Variants in PGBD5 observed in about 807,000 individuals in gnomAD.
The protein encoded by PGBD5 is piggyBac transposable element-derived protein 5.
A neutral mutation model predicts 47.9 loss-of-function variants in PGBD5; 14 were observed. The observed-to-expected ratio is 0.29, with a 90% confidence interval of 0.19 to 0.46. The LOEUF is 0.46. Ranked by LOEUF, PGBD5 falls within the 20% of genes least tolerant of loss-of-function variation. The pLI, the probability that PGBD5 is intolerant of heterozygous loss-of-function variation, is 1.00. For missense variants in PGBD5, 635 were observed against 716.0 expected (o/e 0.89, Z 1.29); for synonymous variants, 316 against 306.3 (o/e 1.03, Z -0.33).
At chr1:230,374,856 A>C (rs889722910) in intron 1 of PGBD5, among the ~76,000 whole-genome samples, 2 of 152,182 alleles carry the variant, frequency 1.3e-5, no homozygotes, top group Non-Finnish European at 2.9e-5. Context: ...TATACTCCTT[A>C]AACAACATTT....
intron 1 of PGBD5, among the ~76,000 whole-genome samples, chr1:230,415,159 G>C (rs1657487740): frequency 1.3e-5 from 2 of 152,028 alleles, no homozygotes; most frequent in Non-Finnish European, 2.9e-5. Flanking sequence ...TCTCCGCTGA[G>C]ACTGCAGTCT....
At chr1:230,368,837 C>T (rs896557069) in intron 1 of PGBD5, among the ~76,000 whole-genome samples, 20 of 152,316 alleles carry the variant, frequency 1.3e-4, no homozygotes, top group African/African-American at 2.6e-4. Context: ...GTAGGGTGTG[C>T]GCTGGGCCCA....
chr1:230,369,240 G>A (rs762701617), intron 1 of PGBD5, among the ~76,000 whole-genome samples: 2 of 152,210 alleles, frequency 1.3e-5, no homozygotes, highest in Non-Finnish European at 2.9e-5. Context: ...CAGGAATCCC[G>A]CTTAAGAAGC....
chr1:230,423,348 A>T (rs1657701967), intron 1 of PGBD5, among the ~76,000 whole-genome samples: 1 of 152,198 alleles, frequency 6.6e-6, no homozygotes, highest in African/African-American at 2.4e-5. Flanking sequence ...ACAGGGAACA[A>T]AGATGGAAGA....
chr1:230,376,474 T>C (rs1399290434), intron 1 of PGBD5, among the ~76,000 whole-genome samples: 2 of 152,094 alleles, frequency 1.3e-5, no homozygotes, highest in Non-Finnish European at 2.9e-5. Context: ...ACCAACAGCC[T>C]GGGTGTCAAT....
rs1233447392 is a variant in PGBD5 at position 230,318,732 on chromosome 1, C to T, written c.*4693G>A. Reference sequence around the variant, plus strand: ...AGACCCCACAGCTGGCTCCACTCCCCCACCCCATCCCACTCTCCCCATACT... The same window carrying T: ...AGACCCCACAGCTGGCTCCACTCCCTCACCCCATCCCACTCTCCCCATACT... On this transcript the variant is annotated 3_prime_UTR_variant, in exon 7 of 7. Transcript: ENST00000391860. 6.6e-6 allele frequency: 1 copy of T among 152,342 alleles called. No homozygotes were observed. Among genetic ancestry groups the T allele is most frequent in the African/African-American group, 2.4e-5 (1 of 41,442 alleles). The allele number at this position is 152,342 out of a possible 1,614,324, so 9.4% of individuals were successfully genotyped here.
intron 1 of PGBD5, among the ~76,000 whole-genome samples, chr1:230,365,817 T>C (rs1334940186): frequency 6.6e-6 from 1 of 152,212 alleles, no homozygotes; most frequent in Non-Finnish European, 1.5e-5. Context: ...TGACATTCTA[T>C]GTCATGTGGA....
At chr1:230,362,386 C>T (rs763337212) in intron 1 of PGBD5, 30 of 1,362,532 alleles carry the variant, frequency 2.2e-5, no homozygotes, top group Non-Finnish European at 2.8e-5. Flanking sequence ...GCCTGGATGA[C>T]AGACAGTTGT....
At position 230,425,817 on chromosome 1, in the gene PGBD5, G is replaced by C. The variant is rs1434481035; in HGVS notation, c.112C>G (p.Pro38Ala). The change falls in exon 1 of 7, where the codon CCG becomes GCG. Residue 38 changes from proline to alanine, a missense_variant. Transcript: ENST00000391860. This position sits in a 1 kb window ranked among gnomAD's most constrained non-coding sequence, Gnocchi z 4.7. ...ISDDVFGESG[P>A]DSGGNPFYST... ...TAGAAGGGGTTCCCGCCGCTGTCCG[G>C]GCCGGACTCGCCGAACACGTCGTCC... is the stretch of plus-strand genomic sequence containing the variant. The C allele has an allele frequency of 4.1e-6, 5 of 1,208,552 alleles. No homozygotes were observed. Among genetic ancestry groups the C allele is most frequent in the Non-Finnish European group, 4.1e-6 (4 of 973,140 alleles). The allele number at this position is 1,208,552 out of a possible 1,614,324, so 74.9% of individuals were successfully genotyped here.
Position 230,350,964 on chromosome 1 carries a change from G to A in PGBD5, c.888C>T (p.Ile296=), listed in dbSNP as rs778965317. ...WVRQCSSTGF[I]IQIYVHLKEG... is the part of the protein sequence containing the mutation. Reference sequence around the variant, plus strand: ...GGCTCAGCCCAGGGCTCACCTGGATGATGAAGCCAGTGGAAGAACATTGTC... The same window carrying A: ...GGCTCAGCCCAGGGCTCACCTGGATAATGAAGCCAGTGGAAGAACATTGTC... The change falls in exon 3 of 7, where the codon ATC becomes ATT. Residue 296 remains isoleucine (I), a synonymous_variant. Transcript: ENST00000391860. 7.4e-6 allele frequency: 12 copies of A among 1,613,910 alleles called. No homozygotes were observed. In the African/African-American group the frequency reaches 1.5e-4, roughly 20 times the overall value.
In PGBD5 at chr1:230,353,758, C is replaced by A. The variant is rs564541043; in HGVS notation, c.760-2666G>T. On this transcript the variant is annotated intron_variant, in intron 2 of 6. Coordinates refer to ENST00000391860, the MANE Select transcript of PGBD5 (RefSeq NM_001258311.2). ...AGAGACAATGACCCTCCAAGAAAGCCCTGAGGCTTACAAGCAAATCATTGC... is the reference window on the plus strand; with the variant it reads ...AGAGACAATGACCCTCCAAGAAAGCACTGAGGCTTACAAGCAAATCATTGC... Among the ~76,000 whole-genome samples, 26 of 152,306 alleles carry A rather than the reference C, an allele frequency of 1.7e-4. No individual in the cohort carries two copies. In the South Asian group the frequency reaches 5.4e-3, roughly 32 times the overall value.
intron 3 of PGBD5, among the ~76,000 whole-genome samples, chr1:230,347,915 T>C (rs557171946): frequency 1.3e-5 from 2 of 152,298 alleles, no homozygotes; most frequent in Admixed American, 1.3e-4. Flanking sequence ...TCCATCCTGG[T>C]CATTTTCTCA....
rs1263607131 is a variant in PGBD5 at position 230,316,016 on chromosome 1, A to G, written c.*7409T>C. On this transcript the variant is annotated 3_prime_UTR_variant, in exon 7 of 7. Coordinates refer to ENST00000391860, the MANE Select transcript of PGBD5 (RefSeq NM_001258311.2). ...TACATAAGTATATGTGTACACATAT[A>G]TGTATGTGTATACATACATAAGTAT... 6 of 135,842 alleles carry G rather than the reference A, an allele frequency of 4.4e-5. No homozygotes were observed. The highest frequency in any genetic ancestry group is 8.1e-5 in the African/African-American group (3 of 36,962). 8.4% of individuals were successfully genotyped at this position (135,842 alleles called of 1,614,324 possible).
chr1:230,405,415 T>C (rs1224445093), intron 1 of PGBD5, among the ~76,000 whole-genome samples: 1 of 152,130 alleles, frequency 6.6e-6, no homozygotes, highest in Non-Finnish European at 1.5e-5. Context: ...AGTAAATATA[T>C]TTTCTCTTTC....
At chr1:230,396,388 C>G (rs2102737924) in intron 1 of PGBD5, among the ~76,000 whole-genome samples, 1 of 137,740 alleles carries the variant, frequency 7.3e-6, no homozygotes, top group African/African-American at 2.8e-5. Context: ...GCTCCCCAAG[C>G]TCCTCCCTTT....
chr1:230,408,997 C>T (rs1173468486), intron 1 of PGBD5, among the ~76,000 whole-genome samples: 2 of 152,104 alleles, frequency 1.3e-5, no homozygotes. Flanking sequence ...ATATAAAGAA[C>T]TCTTACAACT....
At chr1:230,398,925 G>A (rs1327855945) in intron 1 of PGBD5, among the ~76,000 whole-genome samples, 2 of 152,164 alleles carry the variant, frequency 1.3e-5, no homozygotes, top group Non-Finnish European at 2.9e-5. Flanking sequence ...TGGATGCAGA[G>A]TGCTCCAATG....
intron 4 of PGBD5, among the ~76,000 whole-genome samples, chr1:230,335,820 G>GC: frequency 2.7e-5 from 1 of 37,196 alleles, no homozygotes; most frequent in African/African-American, 7.0e-5. Flanking sequence ...CACATACACT[G>GC]ACACAGACAT....
chr1:230,351,140 T>C (rs769809551), intron 2 of PGBD5, 48 bp from the exon 3 acceptor site: 28 of 1,569,888 alleles, frequency 1.8e-5, no homozygotes, highest in African/African-American at 1.4e-4. Flanking sequence ...CAGCATGAGC[T>C]TGAGGGCTCA....
Sources: allele counts gnomAD v4.1 joint callset (sites outside exome capture counted in the v4.1 genomes callset), GRCh38; gene constraint gnomAD v4.1.1; non-coding constraint Gnocchi (gnomAD v3.1); transcripts MANE v1.5; gene names NCBI Gene and HGNC (gene_info 2026-07-23, HGNC 2026-07-21).